Variants in NOS1AP observed in about 807,000 individuals in gnomAD.
The protein encoded by NOS1AP is carboxyl-terminal PDZ ligand of neuronal nitric oxide synthase protein.
Under a neutral mutation model 56.2 loss-of-function variants are expected in NOS1AP, and 21 were observed. That is an observed-to-expected ratio of 0.37 (90% CI 0.26 to 0.54). The LOEUF (loss-of-function observed/expected upper bound fraction) is 0.54. Among genes scored for constraint, NOS1AP ranks in the 20% least tolerant of loss-of-function variants. NOS1AP has a pLI of 0.84. For synonymous variants in NOS1AP, 270 were observed against 274.6 expected, an observed-to-expected ratio of 0.98 and a Z score of 0.17; for missense variants, 522 against 657.8, an observed-to-expected ratio of 0.79 and a Z score of 2.26.
At chr1:162,202,300 A>G (rs978643969) in intron 2 of NOS1AP, among the ~76,000 whole-genome samples, 2 of 152,252 alleles carry the variant, frequency 1.3e-5, no homozygotes, top group African/African-American at 2.4e-5. Flanking sequence ...TTAAAAAATC[A>G]GTGAAACACC....
intron 3 of NOS1AP, among the ~76,000 whole-genome samples, chr1:162,289,972 C>G (rs1214136977): frequency 6.6e-6 from 1 of 152,120 alleles, no homozygotes; most frequent in African/African-American, 2.4e-5. Context: ...CCCCATTGTG[C>G]ATGTGAGAAA....
rs559974193 is a variant in NOS1AP, at chr1:162,116,925, G to T, written c.106-37480G>T. ...TGCTACATAGATCTGTAGCTTTTTG[G>T]GGGGGCTGGAGGGTACTCATATATT... On this transcript the variant is annotated intron_variant, in intron 1 of 9. Transcript: ENST00000361897. 2.4e-3 allele frequency among the ~76,000 whole-genome samples: 372 copies of T among 152,026 alleles called. 2 individuals are homozygous for T. The highest frequency in any genetic ancestry group is 8.5e-3 in the African/African-American group (353 of 41,310).
In NOS1AP at chr1:162,287,431, A is replaced by T. The variant is rs773827552; in HGVS notation, c.265A>T (p.Lys89Ter). 1 of 1,607,724 alleles carries T rather than the reference A, an allele frequency of 6.2e-7. No individual in the cohort carries two copies. Among genetic ancestry groups the T allele is most frequent in the Non-Finnish European group, 8.5e-7 (1 of 1,174,184 alleles). The change falls in exon 3 of 10, where the codon AAA becomes TAA. Residue 89 changes from lysine (K) to a stop codon, truncating the protein, a stop_gained. Transcript: ENST00000361897. LOFTEE classifies it high-confidence loss of function. Reference protein sequence around the residue: ...DGVKVILKKKKKLLLLQKKEW... With the variant: ...DGVKVILKKK ...AGTGAAAGTGATTCTGAAGAAGAAG[A>T]AAAAGGTAAGTGGCTCTGAACCAGA... is the stretch of plus-strand genomic sequence containing the variant.
chr1:162,226,277 G>T (rs1304742534), intron 2 of NOS1AP, among the ~76,000 whole-genome samples: 2 of 150,842 alleles, frequency 1.3e-5, no homozygotes, highest in Non-Finnish European at 1.5e-5. Flanking sequence ...TCCAAAAAAA[G>T]AAAAGAAAAG....
rs191817256 is a variant in NOS1AP, at chr1:162,365,082, G to A, written c.940-322G>A. On this transcript the variant is annotated intron_variant, in intron 8 of 9. Transcript: ENST00000361897. ...TGCGTGTGTGTGTGTATATGTGCAC[G>A]TGTGTGTGTACGTGTGTGTGTGTGG... is the stretch of plus-strand genomic sequence containing the variant. 3.6e-4 allele frequency: 472 copies of A among 1,309,636 alleles called. 1 individual carries two copies. The highest frequency in any genetic ancestry group is 4.4e-4 in the Non-Finnish European group (446 of 1,022,056). The allele number at this position is 1,309,636 out of a possible 1,614,324, so 81.1% of individuals were successfully genotyped here. A position where few individuals can be genotyped will look rare whatever the true frequency, so the allele number is the denominator to read the frequency against.
intron 4 of NOS1AP, among the ~76,000 whole-genome samples, chr1:162,318,568 T>C (rs1656305797): frequency 6.6e-6 from 1 of 151,954 alleles, no homozygotes; most frequent in African/African-American, 2.4e-5. Flanking sequence ...TGCTCAGTAT[T>C]TTTTTTTCTG....
intron 2 of NOS1AP, among the ~76,000 whole-genome samples, chr1:162,262,769 G>T (rs1349481508): frequency 6.6e-6 from 1 of 152,182 alleles, no homozygotes; most frequent in East Asian, 1.9e-4. Context: ...AGCTATGGGA[G>T]ATTTGAAGCT....
rs1386581470 is a variant in NOS1AP at position 162,189,264 on chromosome 1, A to G, written c.177+34788A>G. On this transcript the variant is annotated intron_variant, in intron 2 of 9. Transcript: ENST00000361897. ...AATTGTCACTTGAAAATGCCATTATAAAAAACCAAAATGTGTTCCTGTCTA... is the reference window on the plus strand; with the variant it reads ...AATTGTCACTTGAAAATGCCATTATGAAAAACCAAAATGTGTTCCTGTCTA... 3.3e-5 allele frequency among the ~76,000 whole-genome samples: 5 copies of G among 152,188 alleles called. No individual in the cohort carries two copies. In the South Asian group the frequency reaches 6.2e-4, roughly 19 times the overall value.
At chr1:162,277,711 T>G (rs1223786929) in intron 2 of NOS1AP, among the ~76,000 whole-genome samples, 1 of 152,228 alleles carries the variant, frequency 6.6e-6, no homozygotes, top group Non-Finnish European at 1.5e-5. Context: ...GATTCTCCAG[T>G]GCAAGATAGA....
At chr1:162,242,755 A>G (rs1235357957) in intron 2 of NOS1AP, among the ~76,000 whole-genome samples, 1 of 152,194 alleles carries the variant, frequency 6.6e-6, no homozygotes, top group Non-Finnish European at 1.5e-5. Flanking sequence ...TGAAGAAAGC[A>G]GCAACTCAGG....
At chr1:162,360,925 G>A (rs1657878486) in intron 8 of NOS1AP, 1 of 456,562 alleles carries the variant, frequency 2.2e-6, no homozygotes, top group African/African-American at 2.0e-5. Context: ...TGGAGTCCAG[G>A]CAAGTAAGCT....
Position 162,154,360 on chromosome 1 carries a change from A to G in NOS1AP, c.106-45A>G, listed in dbSNP as rs1012526786. 5.7e-6 allele frequency: 9 copies of G among 1,585,614 alleles called. 1 individual carries two copies. The African/African-American group carries it at 6.7e-5, about 12-fold the overall frequency. Reference sequence around the variant, plus strand: ...TTTGGAACTTTCTGGGATTAGGGACACTTGCTACCCCTCCTCTCAATGAGT... The same window carrying G: ...TTTGGAACTTTCTGGGATTAGGGACGCTTGCTACCCCTCCTCTCAATGAGT... On this transcript the variant is annotated intron_variant, in intron 1 of 9. Transcript: ENST00000361897.
At chr1:162,263,090 TC>T (rs1654291747) in intron 2 of NOS1AP, among the ~76,000 whole-genome samples, 1 of 152,228 alleles carries the variant, frequency 6.6e-6, no homozygotes, top group South Asian at 2.1e-4. Flanking sequence ...TTTTTGATTT[TC>T]ACTATATATC....
intron 2 of NOS1AP, among the ~76,000 whole-genome samples, chr1:162,211,095 A>G (rs934068181): frequency 6.6e-6 from 1 of 152,254 alleles, no homozygotes; most frequent in African/African-American, 2.4e-5. Context: ...AATGTGAGAC[A>G]GGCTCATCTT....
chr1:162,117,091 T>G (rs1647991976), intron 1 of NOS1AP, among the ~76,000 whole-genome samples: 1 of 152,152 alleles, frequency 6.6e-6, no homozygotes, highest in African/African-American at 2.4e-5. Flanking sequence ...AAGAATGGAG[T>G]TAAAAGTGCC....
At chr1:162,272,500 C>T (rs1005156440) in intron 2 of NOS1AP, among the ~76,000 whole-genome samples, 5 of 152,066 alleles carry the variant, frequency 3.3e-5, no homozygotes, top group Admixed American at 6.6e-5. Context: ...GGCAGCAACA[C>T]GAAAAGATGA....
rs1282880031 is a variant in NOS1AP, at chr1:162,154,496, C to CTG, written c.177+25_177+26dup. On this transcript the variant is annotated intron_variant, in intron 2 of 9. Coordinates refer to ENST00000361897, the MANE Select transcript of NOS1AP (RefSeq NM_014697.3). ...ATACGGGTGAGTGGCCAGAGGTGGA[C>CTG]TGTGTGGAGCGGGGAGTCAAGTGCC... 3.7e-6 allele frequency: 6 copies of CTG among 1,613,032 alleles called. No homozygotes were observed. Among genetic ancestry groups the CTG allele is most frequent in the Non-Finnish European group, 5.1e-6 (6 of 1,179,132 alleles).
intron 2 of NOS1AP, among the ~76,000 whole-genome samples, chr1:162,267,796 A>G (rs1410171698): frequency 6.6e-6 from 1 of 152,092 alleles, no homozygotes. Flanking sequence ...TAATAAAAGA[A>G]TACAAAGGTA....
chr1:162,294,592 C>G (rs562700983), intron 3 of NOS1AP, among the ~76,000 whole-genome samples: 1 of 152,114 alleles, frequency 6.6e-6, no homozygotes, highest in Non-Finnish European at 1.5e-5. Flanking sequence ...AACCTACTCC[C>G]TCTATCTCGC....
Sources: allele counts gnomAD v4.1 joint callset (sites outside exome capture counted in the v4.1 genomes callset), GRCh38; gene constraint gnomAD v4.1.1; transcripts MANE v1.5; gene names NCBI Gene and HGNC (gene_info 2026-07-23, HGNC 2026-07-21).